The following ITPR2 variants were observed in gnomAD, a reference collection of about 807,000 sequenced individuals.
ITPR2 encodes inositol 1,4,5-trisphosphate-gated calcium channel ITPR2.
In ITPR2, 207 loss-of-function variants were observed where a neutral mutation model predicts 317.1. The observed-to-expected ratio is 0.65, with a 90% CI of 0.58 to 0.73. ITPR2 has a LOEUF of 0.73. ITPR2 is among the 30% of genes least tolerant of loss of function. ITPR2 has a pLI of 0.00. For missense variants in ITPR2, 2,613 were observed against 3,284.0 expected (o/e 0.80, Z 4.99); for synonymous variants, 1,156 against 1,149.1 (o/e 1.01, Z -0.12).
At chr12:26,489,245 A>C (rs1324305285) in intron 39 of ITPR2, among the ~76,000 whole-genome samples, 1 of 152,322 alleles carries the variant, frequency 6.6e-6, no homozygotes, top group Non-Finnish European at 1.5e-5. Context: ...AGGGGAAAGA[A>C]ACTCCAAGTG....
intron 55 of ITPR2, among the ~76,000 whole-genome samples, chr12:26,347,143 G>T (rs145398004): frequency 6.6e-6 from 1 of 152,162 alleles, no homozygotes; most frequent in Non-Finnish European, 1.5e-5. Flanking sequence ...ATATTACATA[G>T]TGGAATAGCT....
At chr12:26,808,448 C>T (rs1308065805) in intron 1 of ITPR2, among the ~76,000 whole-genome samples, 2 of 152,204 alleles carry the variant, frequency 1.3e-5, no homozygotes, top group African/African-American at 4.8e-5. Flanking sequence ...TTGATTTATT[C>T]ATTCAACAAA....
At chr12:26,784,354 T>TG (rs1447939033) in intron 2 of ITPR2, among the ~76,000 whole-genome samples, 1 of 29,306 alleles carries the variant, frequency 3.4e-5, no homozygotes, top group African/African-American at 6.8e-5. Flanking sequence ...CCTCTCCCTC[T>TG]CCCTCTCCCT....
intron 29 of ITPR2, 80 bp downstream of exon 29, chr12:26,599,907 A>C (rs1945953060): frequency 9.4e-7 from 1 of 1,061,012 alleles, no homozygotes; most frequent in African/African-American, 1.6e-5. Flanking sequence ...GAAGTGTAAC[A>C]AAATTCTCTT....
rs1565624303 is a variant in ITPR2 at position 26,589,824 on chromosome 12, ATAAATAAAC to A, written c.4380+5632_4380+5640del. On this transcript the variant is annotated intron_variant, in intron 32 of 56. Transcript: ENST00000381340. ...AAATAAATAAAAAATAAATAAATAA[ATAAATAAAC>A]ATATATATATATATATATATACACA... is the stretch of plus-strand genomic sequence containing the variant. Among the ~76,000 whole-genome samples, 65 of 35,158 alleles carry A rather than the reference ATAAATAAAC, an allele frequency of 1.8e-3. 2 individuals carry two copies. Among genetic ancestry groups the A allele is most frequent in the African/African-American group, 3.5e-3 (43 of 12,426 alleles). The allele number at this position is 35,158 out of a possible 152,430, so 23.1% of individuals were successfully genotyped here. A position where few individuals can be genotyped will look rare whatever the true frequency, so the allele number is the denominator to read the frequency against.
chr12:26,401,601 T>G lies in ITPR2; in HGVS notation c.7400-1343A>C, dbSNP rs16930597. ...CCTAACACTGGCAAATGACCAGAAA[T>G]GTATTTTTCTCACTACAAGGTTAAA... On this transcript the variant is annotated intron_variant, in intron 52 of 56. Coordinates refer to ENST00000381340, the MANE Select transcript of ITPR2 (RefSeq NM_002223.4). Among the ~76,000 whole-genome samples, 997 of 152,272 alleles carry G rather than the reference T, an allele frequency of 6.5e-3. 9 individuals carry two copies. Among genetic ancestry groups the G allele is most frequent in the African/African-American group, 0.023 (937 of 41,554 alleles).
Position 26,602,414 on chromosome 12 carries a change from C to T in ITPR2, c.3634G>A (p.Ala1212Thr), listed in dbSNP as rs745646079. Residue 1212 changes from alanine to threonine, a missense_variant, in exon 28 of 57, where the codon GCG becomes ACG. Ala to Thr is a moderately conservative substitution (Grantham distance 58). Around this residue, in one of 9 missense-constraint regions of ITPR2, gnomAD observed 817 missense variants for 897.6 expected, o/e 0.91. Transcript: ENST00000381340. ...QHQRLLKNMG[A>T]HSVVLDLLQI... ...AGAAGATCCAACACCACCGAATGCG[C>T]CCCCATATTTTTCAGTAATCGTTGA... 40 of 1,613,566 alleles carry T rather than the reference C, an allele frequency of 2.5e-5. No homozygotes were observed. Among genetic ancestry groups the T allele is most frequent in the Admixed American group, 1.0e-4 (6 of 59,996 alleles).
intron 45 of ITPR2, among the ~76,000 whole-genome samples, chr12:26,455,009 A>G (rs898194312): frequency 1.3e-5 from 2 of 152,072 alleles, no homozygotes; most frequent in African/African-American, 4.8e-5. Flanking sequence ...GAATGAGTCA[A>G]TTGCTTTTCT....
chr12:26,443,784 A>G, intron 45 of ITPR2, 134 bp from the exon 46 acceptor site: 3 of 577,296 alleles, frequency 5.2e-6, no homozygotes, highest in Non-Finnish European at 9.3e-6. Context: ...ACACTTCAGG[A>G]AAGCATGTCT....
At chr12:26,764,614 T>C (rs1410566752) in intron 2 of ITPR2, among the ~76,000 whole-genome samples, 1 of 151,940 alleles carries the variant, frequency 6.6e-6, no homozygotes, top group African/African-American at 2.4e-5. Flanking sequence ...ACTTAAAGTA[T>C]AATAAATAAA....
At chr12:26,391,484 G>A (rs903630364) in intron 54 of ITPR2, among the ~76,000 whole-genome samples, 3 of 151,366 alleles carry the variant, frequency 2.0e-5, no homozygotes, top group African/African-American at 7.3e-5. Flanking sequence ...CAGAAACAAC[G>A]GCAAGCTTTA....
intron 26 of ITPR2, among the ~76,000 whole-genome samples, chr12:26,613,131 C>T (rs1303500608): frequency 1.3e-5 from 2 of 152,152 alleles, no homozygotes; most frequent in African/African-American, 4.8e-5. Context: ...AGGAGAAATT[C>T]AAGTGTGCAC....
intron 53 of ITPR2, 150 bp from the exon 54 acceptor site, chr12:26,399,191 A>C: frequency 1.7e-6 from 1 of 571,876 alleles, no homozygotes; most frequent in South Asian, 3.7e-5. Context: ...TCTCTACTTT[A>C]AGTGTTGTAA....
intron 1 of ITPR2, among the ~76,000 whole-genome samples, chr12:26,822,265 C>G (rs565054988): frequency 6.6e-6 from 1 of 152,218 alleles, no homozygotes; most frequent in South Asian, 2.1e-4. Context: ...ATAGATAGAA[C>G]CTCATTAACA....
chr12:26,387,881 A>G (rs187953664), intron 54 of ITPR2, among the ~76,000 whole-genome samples: 13 of 152,348 alleles, frequency 8.5e-5, no homozygotes, highest in Admixed American at 5.9e-4. Flanking sequence ...ATACAGCCAT[A>G]TCAAAATTTT....
At chr12:26,645,119 T>C (rs913637385) in intron 21 of ITPR2, among the ~76,000 whole-genome samples, 2 of 152,198 alleles carry the variant, frequency 1.3e-5, no homozygotes, top group African/African-American at 2.4e-5. Flanking sequence ...CTGGTGTTGA[T>C]CCTAAGAGCT....
In ITPR2 at chr12:26,805,074, A is replaced by T. The variant is rs187752332; in HGVS notation, c.93-14847T>A. Among the ~76,000 whole-genome samples the T allele has an allele frequency of 2.0e-5, 3 of 152,288 alleles. No individual in the cohort carries two copies. The East Asian group carries it at 5.8e-4, about 29-fold the overall frequency. On this transcript the variant is annotated intron_variant, in intron 1 of 56. Transcript: ENST00000381340. ...CTAATCCCTAATCCTTCAGACAGTG[A>T]TCATGACCACAAATAAAAATTCGTA...
At chr12:26,801,513 C>T (rs565902187) in intron 1 of ITPR2, among the ~76,000 whole-genome samples, 60 of 152,176 alleles carry the variant, frequency 3.9e-4, no homozygotes, top group Non-Finnish European at 7.6e-4. Flanking sequence ...TGCTACCTTC[C>T]TTGATGTCAC....
chr12:26,588,586 G>T (rs1012741743), intron 32 of ITPR2, among the ~76,000 whole-genome samples: 3 of 152,080 alleles, frequency 2.0e-5, no homozygotes, highest in Non-Finnish European at 4.4e-5. Flanking sequence ...GTTTCAATGT[G>T]CATATAAATT....
Sources: allele counts gnomAD v4.1 joint callset (sites outside exome capture counted in the v4.1 genomes callset), GRCh38; gene constraint gnomAD v4.1.1; regional missense constraint gnomAD v4.1.1; transcripts MANE v1.5; gene names NCBI Gene and HGNC (gene_info 2026-07-23, HGNC 2026-07-21).